ZNF469: variants seen among roughly 807,000 people sequenced by gnomAD.
ZNF469 encodes the protein zinc finger protein 469.
A neutral mutation model predicts 1.0 loss-of-function variants in ZNF469; 1 was observed. The ratio of observed to expected loss-of-function variants is 1.00; its 90% CI spans 0.35 to 4.73. The LOEUF is 4.73. ZNF469 is among the 30% of genes most tolerant of loss of function. ZNF469 has a pLI of 0.16. For missense variants in ZNF469, 6,100 were observed against 5,356.3 expected (o/e 1.14, Z -4.33); for synonymous variants, 2,703 against 2,363.4 (o/e 1.14, Z -4.17).
At chr16:88,317,962 G>C in the ZNF469 span, among the ~76,000 whole-genome samples, 6 of 152,236 alleles carry the variant, frequency 3.9e-5, no homozygotes, top group African/African-American at 1.2e-4. Context: ...CCCGTGCCTT[G>C]GCACTCAGAG....
At chr16:88,175,211 A>G in the ZNF469 span, among the ~76,000 whole-genome samples, 1 of 152,210 alleles carries the variant, frequency 6.6e-6, no homozygotes, top group Non-Finnish European at 1.5e-5. Context: ...AGCACCTAGA[A>G]TAGATTTAGA....
At chr16:88,355,646 G>A in the ZNF469 span, among the ~76,000 whole-genome samples, 1 of 152,222 alleles carries the variant, frequency 6.6e-6, no homozygotes, top group Non-Finnish European at 1.5e-5. Context: ...GAGTGGACAG[G>A]TGTTTCCAGG....
the ZNF469 span, among the ~76,000 whole-genome samples, chr16:88,129,367 T>C: frequency 3.9e-5 from 6 of 152,156 alleles, no homozygotes; most frequent in Admixed American, 3.9e-4. Flanking sequence ...CCTCTGTTCT[T>C]CCTTGGAATC....
chr16:88,185,270 C>G, the ZNF469 span, among the ~76,000 whole-genome samples: 126 of 152,230 alleles, frequency 8.3e-4, no homozygotes, highest in Admixed American at 1.9e-3. Flanking sequence ...CACAGGCACG[C>G]ACTAGTATAG....
chr16:88,164,323 T>G, the ZNF469 span, among the ~76,000 whole-genome samples: 1 of 151,864 alleles, frequency 6.6e-6, no homozygotes, highest in African/African-American at 2.4e-5. Context: ...GGATGATAGA[T>G]GTACAGATGG....
the ZNF469 span, among the ~76,000 whole-genome samples, chr16:88,276,883 G>A: frequency 6.6e-6 from 1 of 152,168 alleles, no homozygotes; most frequent in East Asian, 1.9e-4. Flanking sequence ...CGCTCGGTCA[G>A]TACCATGTAG....
chr16:88,380,278 G>T (rs1194077737), upstream of ZNF469, among the ~76,000 whole-genome samples: 1 of 85,188 alleles, frequency 1.2e-5, no homozygotes, highest in African/African-American at 8.2e-5. Context: ...CACACACCCA[G>T]ACATGCACAC....
intron 1 of ZNF469, among the ~76,000 whole-genome samples, chr16:88,403,096 G>A (rs1904929976): frequency 6.6e-6 from 1 of 152,194 alleles, no homozygotes; most frequent in Admixed American, 6.5e-5. Context: ...GGAGAGGTGT[G>A]GGAGGGATCG....
the ZNF469 span, among the ~76,000 whole-genome samples, chr16:88,353,855 A>C: frequency 2.0e-5 from 3 of 152,148 alleles, no homozygotes; most frequent in Non-Finnish European, 4.4e-5. Context: ...CCAGGAAGGA[A>C]GCTCTCCTGG....
At chr16:88,163,920 G>GT in the ZNF469 span, among the ~76,000 whole-genome samples, 1 of 111,392 alleles carries the variant, frequency 9.0e-6, no homozygotes. Flanking sequence ...GGATGGATGA[G>GT]TGGGTGGATG....
chr16:88,435,546 G>A lies in ZNF469; in HGVS notation c.8076G>A (p.Pro2692=), dbSNP rs149200506. 4.1e-4 allele frequency: 641 copies of A among 1,549,574 alleles called. 2 individuals carry two copies. The African/African-American group carries it at 5.0e-3, about 12-fold the overall frequency. The change falls in exon 3 of 3, where the codon CCG becomes CCA. Residue 2692 remains proline (P), a synonymous_variant. Coordinates refer to ENST00000565624, the MANE Select transcript of ZNF469 (RefSeq NM_001367624.2). ...GGCCTGAGGCTGACGGGGAGCAGCCGCCTCGCTTGGCCACTCTGGGACCTG... is the reference window on the plus strand; with the variant it reads ...GGCCTGAGGCTGACGGGGAGCAGCCACCTCGCTTGGCCACTCTGGGACCTG... ...EGGPEADGEQ[P]PRLATLGPGV... is the part of the protein sequence containing the mutation.
At chr16:88,244,882 AT>A in the ZNF469 span, among the ~76,000 whole-genome samples, 4 of 151,920 alleles carry the variant, frequency 2.6e-5, no homozygotes, top group South Asian at 8.3e-4. Flanking sequence ...TCCCCAGGAG[AT>A]GTGGAACTTG....
the ZNF469 span, among the ~76,000 whole-genome samples, chr16:88,176,711 G>C: frequency 6.6e-6 from 1 of 152,246 alleles, no homozygotes; most frequent in African/African-American, 2.4e-5. Flanking sequence ...GCCTGTGGTG[G>C]GTCGGCCCGT....
the ZNF469 span, among the ~76,000 whole-genome samples, chr16:88,372,235 A>ATCATCG: frequency 7.3e-4 from 106 of 144,464 alleles, no homozygotes; most frequent in Non-Finnish European, 9.0e-4. Flanking sequence ...TATCATCACC[A>ATCATCG]TCACCATCAC....
the ZNF469 span, among the ~76,000 whole-genome samples, chr16:88,165,400 C>T: frequency 7.2e-5 from 11 of 152,268 alleles, no homozygotes; most frequent in South Asian, 6.2e-4. Flanking sequence ...GACATTGCTG[C>T]GGGGTCTGCT....
the ZNF469 span, among the ~76,000 whole-genome samples, chr16:88,218,148 AT>A: frequency 4.8e-5 from 7 of 146,530 alleles, no homozygotes; most frequent in African/African-American, 1.5e-4. Flanking sequence ...CTGGTGTGAG[AT>A]GGTATCTCAT....
At chr16:88,152,699 TAGC>T in the ZNF469 span, among the ~76,000 whole-genome samples, 8 of 152,188 alleles carry the variant, frequency 5.3e-5, no homozygotes, top group Non-Finnish European at 1.2e-4. This position sits in a 1 kb window ranked among gnomAD's most constrained non-coding sequence, Gnocchi z 4.2. Flanking sequence ...AAGAATTACT[TAGC>T]AGTTGGTAAA....
chr16:88,377,224 C>A, the ZNF469 span, among the ~76,000 whole-genome samples: 12 of 152,224 alleles, frequency 7.9e-5, no homozygotes, highest in African/African-American at 1.4e-4. Context: ...AGGCAGGAGC[C>A]GGGGTGGTGC....
chr16:88,247,107 ATGAT>A, the ZNF469 span, among the ~76,000 whole-genome samples: 8 of 149,656 alleles, frequency 5.3e-5, no homozygotes, highest in South Asian at 2.1e-4. Context: ...GAGTGAGTGA[ATGAT>A]TGAATGAGTG....
Sources: allele counts gnomAD v4.1 joint callset (sites outside exome capture counted in the v4.1 genomes callset), GRCh38; gene constraint gnomAD v4.1.1; non-coding constraint Gnocchi (gnomAD v3.1); transcripts MANE v1.5; gene names NCBI Gene and HGNC (gene_info 2026-07-23, HGNC 2026-07-21).